Variants in METTL16 observed in about 807,000 individuals in gnomAD.
METTL16 encodes methyltransferase 16, RNA N6-adenosine.
In METTL16, 19 loss-of-function variants were observed where a neutral mutation model predicts 57.9. That is an observed-to-expected ratio of 0.33 (90% confidence interval 0.23 to 0.48). METTL16 has a LOEUF of 0.48. Ranked by LOEUF, METTL16 falls within the 20% of genes least tolerant of loss-of-function variation. The pLI is 0.99. For synonymous variants in METTL16, 246 were observed against 255.6 expected (o/e 0.96, Z 0.36); for missense variants, 434 against 691.5 (o/e 0.63, Z 4.18).
In METTL16 at chr17:2,426,984, A is replaced by G. The variant is rs561680652; in HGVS notation, c.889-6080T>C. Among the ~76,000 whole-genome samples, 3 of 149,952 alleles carry G rather than the reference A, an allele frequency of 2.0e-5. No homozygotes were observed. The South Asian group carries it at 6.3e-4, about 31-fold the overall frequency. On this transcript the variant is annotated intron_variant, in intron 8 of 9. Coordinates refer to ENST00000263092, the MANE Select transcript of METTL16 (RefSeq NM_024086.4). ...ACCCCATCTCTACTAAAAATACGAA[A>G]AAAAAAAAAAGAGCCGGGCATGGAG...
intron 7 of METTL16, among the ~76,000 whole-genome samples, chr17:2,440,908 G>A (rs1303542582): frequency 2.2e-5 from 3 of 133,928 alleles, no homozygotes; most frequent in African/African-American, 8.6e-5. Context: ...GGAGTTCAAG[G>A]TTACAGTGAG....
chr17:2,430,412 C>CTTTTT (rs903960118), intron 8 of METTL16, among the ~76,000 whole-genome samples: 6 of 118,498 alleles, frequency 5.1e-5, no homozygotes, highest in Admixed American at 9.5e-5. Flanking sequence ...TTAGAATTCT[C>CTTTTT]TTTTTTTTTT....
At position 2,495,847 on chromosome 17, in the gene METTL16, G is replaced by T. The variant is rs888066213; in HGVS notation, c.128+6357C>A. On this transcript the variant is annotated intron_variant, in intron 2 of 9. Transcript: ENST00000263092. ...AGACCGGCCGGGCGCGGTGGCTCAC[G>T]CCTGTAATCCCAGCACTTTGGGAGG... 9.9e-5 allele frequency among the ~76,000 whole-genome samples: 15 copies of T among 151,544 alleles called. 1 individual carries two copies. The highest frequency in any genetic ancestry group is 1.8e-4 in the Non-Finnish European group (12 of 68,004).
intron 2 of METTL16, among the ~76,000 whole-genome samples, chr17:2,494,393 T>G (rs2067425261): frequency 6.6e-6 from 1 of 152,164 alleles, no homozygotes; most frequent in South Asian, 2.1e-4. Flanking sequence ...TACATTGTAT[T>G]TTTAGCAAAT....
chr17:2,416,449 T>TA lies in METTL16; in HGVS notation c.*3520dup, dbSNP rs1369601943. On this transcript the variant is annotated 3_prime_UTR_variant, in exon 10 of 10. Transcript: ENST00000263092. ...TCGAGAGGAAAGGCTTTATGTTTTA[T>TA]AAAAAATATATACTAAAGTAATCTA... The TA allele has an allele frequency of 6.6e-6, 1 of 151,846 alleles. No homozygotes were observed. Among genetic ancestry groups the TA allele is most frequent in the Non-Finnish European group, 1.5e-5 (1 of 67,970 alleles). The allele number at this position is 151,846 out of a possible 1,614,324, so 9.4% of individuals were successfully genotyped here. A position where few individuals can be genotyped will look rare whatever the true frequency, so the allele number is the denominator to read the frequency against.
chr17:2,471,266 G>C (rs2067232795), intron 4 of METTL16, among the ~76,000 whole-genome samples: 1 of 152,080 alleles, frequency 6.6e-6, no homozygotes, highest in East Asian at 1.9e-4. Context: ...CCGCCTCCCA[G>C]GTTCAAGTGA....
chr17:2,415,823 C>T (rs1000800129), downstream of METTL16: 1 of 152,378 alleles, frequency 6.6e-6, no homozygotes, highest in African/African-American at 2.4e-5. Context: ...GGTATTACTC[C>T]TGGCTTTTGG....
chr17:2,426,862 C>T (rs916201766), intron 8 of METTL16, among the ~76,000 whole-genome samples: 6 of 151,320 alleles, frequency 4.0e-5, no homozygotes, highest in East Asian at 3.9e-4. Flanking sequence ...GGGTCAGGCA[C>T]GGTGGCTCAT....
chr17:2,463,618 C>T (rs570214421), intron 6 of METTL16, among the ~76,000 whole-genome samples: 2 of 152,012 alleles, frequency 1.3e-5, no homozygotes, highest in South Asian at 4.2e-4. Context: ...CCCACCACCA[C>T]ACCCAGCTCA....
Position 2,419,893 on chromosome 17 carries a change from T to A in METTL16, c.*77A>T. On this transcript the variant is annotated 3_prime_UTR_variant, in exon 10 of 10. Coordinates refer to ENST00000263092, the MANE Select transcript of METTL16 (RefSeq NM_024086.4). ...CATCGTGCTACTAATGGGCCGCTGG[T>A]AGGATTCCTCTTGCCACCCCACAGG... The A allele has an allele frequency of 6.5e-7, 1 of 1,539,370 alleles. No individual in the cohort carries two copies. Among genetic ancestry groups the A allele is most frequent in the Non-Finnish European group, 8.9e-7 (1 of 1,125,772 alleles).
intron 2 of METTL16, among the ~76,000 whole-genome samples, chr17:2,488,462 C>G (rs2067359853): frequency 1.3e-5 from 2 of 152,136 alleles, no homozygotes; most frequent in South Asian, 2.1e-4. Flanking sequence ...GAGGCTGAGG[C>G]AGGAGAATCG....
intron 6 of METTL16, among the ~76,000 whole-genome samples, chr17:2,454,563 A>ATTTTTTTTTTTTTT (rs5818860): frequency 7.9e-6 from 1 of 126,254 alleles, no homozygotes. Context: ...TATTATTATT[A>ATTTTTTTTTTTTTT]TTTTTTTTTT....
intron 6 of METTL16, among the ~76,000 whole-genome samples, chr17:2,443,306 A>G (rs2066967462): frequency 6.6e-6 from 1 of 152,190 alleles, no homozygotes; most frequent in Non-Finnish European, 1.5e-5. Context: ...TTCTCTATCA[A>G]TTAAAGAAAC....
intron 8 of METTL16, among the ~76,000 whole-genome samples, chr17:2,432,849 C>T (rs1055388598): frequency 2.0e-5 from 3 of 152,154 alleles, no homozygotes; most frequent in African/African-American, 4.8e-5. Context: ...ACACTTAATC[C>T]TCAAAACAAC....
intron 8 of METTL16, among the ~76,000 whole-genome samples, chr17:2,422,473 G>A (rs996411246): frequency 1.3e-5 from 2 of 151,770 alleles, no homozygotes; most frequent in Non-Finnish European, 2.9e-5. Flanking sequence ...CTCCACCTCC[G>A]GTTTCAAGCG....
At chr17:2,431,786 A>G (rs2066875468) in intron 8 of METTL16, among the ~76,000 whole-genome samples, 1 of 152,182 alleles carries the variant, frequency 6.6e-6, no homozygotes, top group African/African-American at 2.4e-5. Flanking sequence ...TTTGGGGAAT[A>G]GATGGTTTAA....
chr17:2,485,280 G>A (rs534591373), intron 2 of METTL16, among the ~76,000 whole-genome samples: 3 of 152,294 alleles, frequency 2.0e-5, no homozygotes, highest in East Asian at 1.9e-4. Flanking sequence ...ATATGGGACC[G>A]TCTAGCTGAG....
chr17:2,423,794 G>A (rs531851153), intron 8 of METTL16, among the ~76,000 whole-genome samples: 1 of 152,030 alleles, frequency 6.6e-6, no homozygotes, highest in South Asian at 2.1e-4. Flanking sequence ...TGCTAAAGCT[G>A]ACCTGCGACA....
chr17:2,448,773 T>TAAAAAAAAAAA (rs1391105641), intron 6 of METTL16, among the ~76,000 whole-genome samples: 1 of 29,604 alleles, frequency 3.4e-5, no homozygotes, highest in Non-Finnish European at 6.9e-5. Flanking sequence ...AAATAAAAAA[T>TAAAAAAAAAAA]AAAAAAATAA....
Sources: gnomAD v4.1 joint callset for allele counts (sites outside exome capture counted in the v4.1 genomes callset) on GRCh38, gnomAD v4.1.1 for gene constraint, MANE v1.5 for transcripts, NCBI Gene and HGNC (gene_info 2026-07-23, HGNC 2026-07-21) for gene names.